Variants in ZMYND8 observed in about 807,000 individuals in gnomAD.
The protein encoded by ZMYND8 is zinc finger MYND-type containing 8.
ZMYND8 carries 37 observed loss-of-function variants against 140.8 expected under a neutral mutation model. The observed-to-expected ratio is 0.26, with a 90% confidence interval of 0.20 to 0.35. The LOEUF (loss-of-function observed/expected upper bound fraction) is 0.35, where lower values mean the gene tolerates loss of function less well. ZMYND8 is among the 10% of genes least tolerant of loss of function. The probability of loss-of-function intolerance (pLI) is 1.00; values close to 1 mark genes in which losing one functional copy is unlikely to be tolerated. For synonymous variants in ZMYND8, 592 were observed against 597.1 expected (o/e 0.99, Z 0.12); for missense variants, 1,068 against 1,570.0 (o/e 0.68, Z 5.40).
chr20:47,324,435 C>T (rs2080242789), intron 2 of ZMYND8, among the ~76,000 whole-genome samples: 1 of 152,060 alleles, frequency 6.6e-6, no homozygotes, highest in African/African-American at 2.4e-5. Context: ...AGGAGAATCG[C>T]TTGAACCTGG....
intron 21 of ZMYND8, among the ~76,000 whole-genome samples, chr20:47,214,338 G>A (rs2035746259): frequency 6.6e-6 from 1 of 152,202 alleles, no homozygotes; most frequent in Non-Finnish European, 1.5e-5. Context: ...ACAGACCTCT[G>A]CGGCCTCCCT....
At chr20:47,249,254 T>G in intron 13 of ZMYND8, 33 bp downstream of exon 13, 1 of 1,604,330 alleles carries the variant, frequency 6.2e-7, no homozygotes, top group Non-Finnish European at 8.5e-7. Flanking sequence ...ACAATGATAC[T>G]GCTGGAAAAA....
chr20:47,261,550 TATCATCATCATCATCATCATCATC>T (rs10563094), intron 12 of ZMYND8, among the ~76,000 whole-genome samples: 1 of 118,604 alleles, frequency 8.4e-6, no homozygotes, highest in African/African-American at 2.7e-5. Flanking sequence ...AAAAAACAGT[TATCATCATCATCATCATCATCATC>T]ATCATCATCA....
chr20:47,281,851 C>T (rs1392446311), intron 10 of ZMYND8, among the ~76,000 whole-genome samples: 1 of 152,118 alleles, frequency 6.6e-6, no homozygotes, highest in East Asian at 1.9e-4. Flanking sequence ...GCCACAGAAC[C>T]CATTCCAATG....
At chr20:47,333,981 A>G (rs1334878522) in intron 2 of ZMYND8, among the ~76,000 whole-genome samples, 1 of 152,130 alleles carries the variant, frequency 6.6e-6, no homozygotes, top group African/African-American at 2.4e-5. Flanking sequence ...ATAAATAAAT[A>G]AGCATCGAAT....
intron 18 of ZMYND8, among the ~76,000 whole-genome samples, chr20:47,225,616 T>TGAAGGGGAAGGGAGGGGAAG (rs2037610000): frequency 1.8e-5 from 1 of 54,680 alleles, no homozygotes; most frequent in East Asian, 5.3e-4. Flanking sequence ...GGGAGGGGAA[T>TGAAGGGGAAGGGAGGGGAAG]GGTCCCTCAA....
rs552141250 is a variant in ZMYND8 at position 47,280,599 on chromosome 20, GGGTA to G, written c.998+1499_998+1502del. On this transcript the variant is annotated intron_variant, in intron 10 of 22. Transcript: ENST00000471951. Reference sequence around the variant, plus strand: ...GGGTCTGGGAATATTGGGTGCAAGGGGGTAGGTATTATTTTTTCCCATCCTGCCT... The same window carrying G: ...GGGTCTGGGAATATTGGGTGCAAGGGGGTATTATTTTTTCCCATCCTGCCT... 2.3e-3 allele frequency among the ~76,000 whole-genome samples: 355 copies of G among 152,234 alleles called. 1 individual carries two copies. Among genetic ancestry groups the G allele is most frequent in the Non-Finnish European group, 3.8e-3 (256 of 68,014 alleles).
chr20:47,238,796 G>A lies in ZMYND8; in HGVS notation c.2627C>T (p.Ser876Phe), dbSNP rs2147184993. 1 of 1,612,798 alleles carries A rather than the reference G, an allele frequency of 6.2e-7. No homozygotes were observed. The highest frequency in any genetic ancestry group is 2.2e-5 in the East Asian group (1 of 44,884). ...TCTGGTCTGATATCTCGTCCCCTGG[G>A]AAGACTGAGGCTGCTGCTGCTGGTT... is the stretch of plus-strand genomic sequence containing the variant. Reference protein sequence around the residue: ...QQNQQQQPQSSQGTRYQTRQA... With the variant: ...QQNQQQQPQSFQGTRYQTRQA... Residue 876 changes from serine (S) to phenylalanine (F), a missense_variant, in exon 15 of 23, where the codon TCC becomes TTC. Ser to Phe is a radical substitution (Grantham distance 155). Coordinates refer to ENST00000471951, the MANE Select transcript of ZMYND8 (RefSeq NM_001281775.3).
intron 2 of ZMYND8, among the ~76,000 whole-genome samples, chr20:47,311,394 T>TGAGGTCAC (rs1398700415): frequency 1.3e-5 from 2 of 152,180 alleles, no homozygotes; most frequent in African/African-American, 4.8e-5. Context: ...GCGGATCACC[T>TGAGGTCAC]GAGGTCACAA....
At chr20:47,351,826 G>C (rs2082807673) in intron 1 of ZMYND8, 1 of 985,278 alleles carries the variant, frequency 1.0e-6, no homozygotes, top group Admixed American at 6.2e-5. Context: ...TTGTTCAATA[G>C]CTGTAGCTCT....
At chr20:47,318,862 C>A in intron 2 of ZMYND8, 1 of 1,052,656 alleles carries the variant, frequency 9.5e-7, no homozygotes, top group South Asian at 1.3e-5. Context: ...TCACTCTCAA[C>A]TTGGGGAAAA....
intron 8 of ZMYND8, chr20:47,285,950 G>T: frequency 1.7e-6 from 1 of 586,704 alleles, no homozygotes; most frequent in Non-Finnish European, 2.1e-6. Context: ...CAGCGTCTTT[G>T]GAGGCTGAGG....
chr20:47,289,032 G>A (rs540611567), intron 7 of ZMYND8, among the ~76,000 whole-genome samples: 202 of 152,256 alleles, frequency 1.3e-3, no homozygotes, highest in South Asian at 2.1e-3. Context: ...AACCCAGGAG[G>A]CAGAGGTTTC....
At chr20:47,343,008 G>A (rs1402527526) in intron 2 of ZMYND8, among the ~76,000 whole-genome samples, 1 of 152,124 alleles carries the variant, frequency 6.6e-6, no homozygotes, top group Non-Finnish European at 1.5e-5. Context: ...AGCCGGGCAT[G>A]GTGGTTCACA....
intron 16 of ZMYND8, among the ~76,000 whole-genome samples, chr20:47,230,320 C>T (rs2038291069): frequency 1.3e-5 from 2 of 151,320 alleles, no homozygotes; most frequent in African/African-American, 4.9e-5. Context: ...AAGATGGAGC[C>T]TCACTCTGTT....
At chr20:47,287,317 T>C (rs1433693993) in intron 7 of ZMYND8, 33 bp from the exon 8 acceptor site, 6 of 1,574,934 alleles carry the variant, frequency 3.8e-6, no homozygotes, top group East Asian at 2.2e-5. Flanking sequence ...TTAATTCTAA[T>C]GGAAATACCG....
chr20:47,312,406 C>T (rs1488600933), intron 2 of ZMYND8, among the ~76,000 whole-genome samples: 1 of 152,098 alleles, frequency 6.6e-6, no homozygotes, highest in African/African-American at 2.4e-5. Context: ...CAGGGGGCTG[C>T]GTGGAGACCC....
At position 47,246,097 on chromosome 20, in the gene ZMYND8, T is replaced by C; in HGVS notation, c.2195A>G (p.Glu732Gly). The change falls in exon 14 of 23, where the codon GAA becomes GGA. Residue 732 changes from glutamate (E) to glycine (G), a missense_variant. Glu to Gly is a moderately conservative substitution (Grantham distance 98). Coordinates refer to ENST00000471951, the MANE Select transcript of ZMYND8 (RefSeq NM_001281775.3). ...HLGLDSDSES[E>G]LVIDLGEDHS... ...GTCTTCTCCTAAATCTATGACAAGT[T>C]CGCTCTCTGAATCAGAGTCCAGGCC... 6.2e-7 allele frequency: 1 copy of C among 1,614,232 alleles called. No individual in the cohort carries two copies. Among genetic ancestry groups the C allele is most frequent in the Non-Finnish European group, 8.5e-7 (1 of 1,180,044 alleles).
In ZMYND8 at chr20:47,229,734, T is replaced by C. The variant is rs755179890; in HGVS notation, c.2929A>G (p.Ile977Val). 3.7e-6 allele frequency: 6 copies of C among 1,613,422 alleles called. No homozygotes were observed. The highest frequency in any genetic ancestry group is 2.5e-6 in the Non-Finnish European group (3 of 1,179,606). Residue 977 changes from isoleucine (I) to valine (V), a missense_variant, in exon 17 of 23, where the codon ATA (isoleucine) becomes GTA (valine). By Grantham distance (29) the Ile-to-Val change is conservative. Coordinates refer to ENST00000471951, the MANE Select transcript of ZMYND8 (RefSeq NM_001281775.3). ...DLSKNTTGST[I>V]AEIRRLRIEI... ...CATGTGTCATCTCTGACCTCAGCTA[T>C]TGTGCTTCCAGTAGTGTTTTTAGAA...
Sources: allele counts gnomAD v4.1 joint callset (sites outside exome capture counted in the v4.1 genomes callset), GRCh38; gene constraint gnomAD v4.1.1; transcripts MANE v1.5; gene names NCBI Gene and HGNC (gene_info 2026-07-23, HGNC 2026-07-21).